GIPC3: variants seen among roughly 807,000 people sequenced by gnomAD.
GIPC3 encodes the protein GIPC PDZ domain containing family member 3.
In GIPC3, 16 loss-of-function variants were observed where a neutral mutation model predicts 27.3. The observed-to-expected ratio is 0.59, with a 90% CI of 0.40 to 0.89. The LOEUF is 0.89. GIPC3 is among the 40% of genes least tolerant of loss of function. The probability of loss-of-function intolerance (pLI) is 0.00; values close to 1 mark genes in which losing one functional copy is unlikely to be tolerated. For missense variants in GIPC3, 440 were observed against 442.1 expected (o/e 1.00, Z 0.04); for synonymous variants, 194 against 184.6 (o/e 1.05, Z -0.41).
At chr19:3,590,018 C>T in intron 5 of GIPC3, 21 bp from the exon 6 acceptor site, 1 of 1,613,028 alleles carries the variant, frequency 6.2e-7, no homozygotes, top group Non-Finnish European at 8.5e-7. Flanking sequence ...TCACTGACAT[C>T]CCCTCTGGCA....
At chr19:3,587,562 G>C (rs1233251160) in intron 3 of GIPC3, among the ~76,000 whole-genome samples, 1 of 152,098 alleles carries the variant, frequency 6.6e-6, no homozygotes. Flanking sequence ...GATTATAGGC[G>C]TGAGCCACCG....
At chr19:3,587,674 C>CTTTCTTCTTTTCT (rs2032398556) in intron 3 of GIPC3, among the ~76,000 whole-genome samples, 1 of 114,868 alleles carries the variant, frequency 8.7e-6, no homozygotes, top group Non-Finnish European at 1.7e-5. Flanking sequence ...TTTTTTTTTC[C>CTTTCTTCTTTTCT]TTTCTTTTTT....
At position 3,592,376 on chromosome 19, in the gene GIPC3, C is replaced by T; in HGVS notation, c.*2186C>T. Reference sequence around the variant, plus strand: ...AGCCCAGCTCTGGGACCCAGATAAGCTCAAGAATTCAAGCCAGCTCTGGAA... The same window carrying T: ...AGCCCAGCTCTGGGACCCAGATAAGTTCAAGAATTCAAGCCAGCTCTGGAA... On this transcript the variant is annotated 3_prime_UTR_variant, in exon 6 of 6. Transcript: ENST00000644452. The T allele has an allele frequency of 8.1e-7, 1 of 1,231,954 alleles. No homozygotes were observed. The highest frequency in any genetic ancestry group is 3.2e-5 in the East Asian group (1 of 31,710). 76.3% of individuals were successfully genotyped at this position (1,231,954 alleles called of 1,614,324 possible). A position where few individuals can be genotyped will look rare whatever the true frequency, so the allele number is the denominator to read the frequency against.
chr19:3,591,314 C>A lies in GIPC3; in HGVS notation c.*1124C>A, dbSNP rs1461230717. ...AGCACATCTCTAGAATCCAGCTGAG[C>A]CCTGACAACAAGCCAAACTCTGGAA... On this transcript the variant is annotated 3_prime_UTR_variant, in exon 6 of 6. Coordinates refer to ENST00000644452, the MANE Select transcript of GIPC3 (RefSeq NM_133261.3). The A allele has an allele frequency of 1.6e-6, 2 of 1,232,424 alleles. No homozygotes were observed. The highest frequency in any genetic ancestry group is 4.2e-5 in the Admixed American group (1 of 23,688). The allele number at this position is 1,232,424 out of a possible 1,614,324, so 76.3% of individuals were successfully genotyped here. A position where few individuals can be genotyped will look rare whatever the true frequency, so the allele number is the denominator to read the frequency against.
chr19:3,586,953 A>G lies in GIPC3; in HGVS notation c.551A>G (p.Gln184Arg). 1 of 1,613,188 alleles carries G rather than the reference A, an allele frequency of 6.2e-7. No homozygotes were observed. Among genetic ancestry groups the G allele is most frequent in the Non-Finnish European group, 8.5e-7 (1 of 1,179,968 alleles). The change falls in exon 3 of 6, where the codon CAG becomes CGG. Residue 184 changes from glutamine (Q) to arginine (R), a missense_variant. Transcript: ENST00000644452. ...AKMLRELPKS[Q>R]PFTLRLVQPK... ...ATGCTCCGGGAGCTGCCCAAGTCCC[A>G]GCCCTTCACCCTGCGCCTGGTGCAG... is the stretch of plus-strand genomic sequence containing the variant.
chr19:3,590,759 T>C lies in GIPC3; in HGVS notation c.*569T>C, dbSNP rs2032474248. The C allele has an allele frequency of 3.2e-6, 4 of 1,234,432 alleles. No individual in the cohort carries two copies. Among genetic ancestry groups the C allele is most frequent in the Non-Finnish European group, 4.0e-6 (4 of 989,784 alleles). 76.5% of individuals were successfully genotyped at this position (1,234,432 alleles called of 1,614,324 possible). A position where few individuals can be genotyped will look rare whatever the true frequency, so the allele number is the denominator to read the frequency against. On this transcript the variant is annotated 3_prime_UTR_variant, in exon 6 of 6. Transcript: ENST00000644452. Reference sequence around the variant, plus strand: ...CCAGCTCTAGAACTCAGATGGGCTCTGAGACCGAGCCCAGCTCTAGAACTC... The same window carrying C: ...CCAGCTCTAGAACTCAGATGGGCTCCGAGACCGAGCCCAGCTCTAGAACTC...
At chr19:3,587,077 G>A in intron 3 of GIPC3, 83 bp downstream of exon 3, 1 of 1,360,640 alleles carries the variant, frequency 7.3e-7, no homozygotes, top group East Asian at 2.5e-5. Flanking sequence ...GGATGGGACG[G>A]GCTGGAAGGT....
chr19:3,589,947 G>A, intron 5 of GIPC3, 35 bp downstream of exon 5: 1 of 1,613,542 alleles, frequency 6.2e-7, no homozygotes, highest in South Asian at 1.1e-5. Context: ...GGCCCTGGGG[G>A]GAGGGAAGCC....
chr19:3,585,675 G>T lies in GIPC3; in HGVS notation c.78G>T (p.Glu26Asp). 7.5e-7 allele frequency: 1 copy of T among 1,329,164 alleles called. No homozygotes were observed. The highest frequency in any genetic ancestry group is 9.7e-7 in the Non-Finnish European group (1 of 1,033,244). 82.3% of individuals were successfully genotyped at this position (1,329,164 alleles called of 1,614,324 possible). The stretch of plus-strand genomic sequence containing the variant: ...CTGCGCCCCCGCCCGCGCCCTCGGA[G>T]CCCCCGGCCGCGCCCCGCGCCCGCC... Reference protein sequence around the residue: ...RASAPPPAPSEPPAAPRARPR... With the variant: ...RASAPPPAPSDPPAAPRARPR... Residue 26 changes from glutamate (E) to aspartate (D), a missense_variant, in exon 1 of 6, where the codon GAG becomes GAT. Physicochemically the swap from Glu to Asp is conservative, Grantham distance 45. Transcript: ENST00000644452.
In GIPC3 at chr19:3,590,236, C is replaced by A. The variant is rs1433958303; in HGVS notation, c.*46C>A. On this transcript the variant is annotated 3_prime_UTR_variant, in exon 6 of 6. Transcript: ENST00000644452. ...CACAGCCCCAGCCCGGAGCCCAGCCCCCTGCCCCGGCCCTGCTCCAGAACC... is the reference window on the plus strand; with the variant it reads ...CACAGCCCCAGCCCGGAGCCCAGCCACCTGCCCCGGCCCTGCTCCAGAACC... 6.5e-7 allele frequency: 1 copy of A among 1,549,918 alleles called. No individual in the cohort carries two copies. The highest frequency in any genetic ancestry group is 1.2e-5 in the South Asian group (1 of 84,468).
Position 3,591,521 on chromosome 19 carries a change from C to G in GIPC3, c.*1331C>G. ...CCGGAACCCCAGTTAATTTTGGAACCCATGTGAGATTCATGAAGCAGCCCA... is the reference window on the plus strand; with the variant it reads ...CCGGAACCCCAGTTAATTTTGGAACGCATGTGAGATTCATGAAGCAGCCCA... On this transcript the variant is annotated 3_prime_UTR_variant, in exon 6 of 6. Coordinates refer to ENST00000644452, the MANE Select transcript of GIPC3 (RefSeq NM_133261.3). 1.6e-6 allele frequency: 2 copies of G among 1,232,590 alleles called. No individual in the cohort carries two copies. The highest frequency in any genetic ancestry group is 2.0e-6 in the Non-Finnish European group (2 of 988,538). The allele number at this position is 1,232,590 out of a possible 1,614,324, so 76.4% of individuals were successfully genotyped here. A position where few individuals can be genotyped will look rare whatever the true frequency, so the allele number is the denominator to read the frequency against.
chr19:3,587,013 C>T lies in GIPC3; in HGVS notation c.592+19C>T, dbSNP rs369691438. ...GCCTTCGGTGAGGCGGGTGGGCTGGCGGGAGCTCTTCCCGAAGTGCGTTCT... is the reference window on the plus strand; with the variant it reads ...GCCTTCGGTGAGGCGGGTGGGCTGGTGGGAGCTCTTCCCGAAGTGCGTTCT... On this transcript the variant is annotated intron_variant, in intron 3 of 5. Coordinates refer to ENST00000644452, the MANE Select transcript of GIPC3 (RefSeq NM_133261.3). 1 of 1,604,580 alleles carries T rather than the reference C, an allele frequency of 6.2e-7. No individual in the cohort carries two copies. The highest frequency in any genetic ancestry group is 1.7e-5 in the Admixed American group (1 of 59,068).
In GIPC3 at chr19:3,590,773, G is replaced by A. The variant is rs1418490884; in HGVS notation, c.*583G>A. ...CAGATGGGCTCTGAGACCGAGCCCA[G>A]CTCTAGAACTCAGATGGGCTCTGAG... On this transcript the variant is annotated 3_prime_UTR_variant, in exon 6 of 6. Transcript: ENST00000644452. 16 of 1,235,182 alleles carry A rather than the reference G, an allele frequency of 1.3e-5. No individual in the cohort carries two copies. The highest frequency in any genetic ancestry group is 1.6e-5 in the African/African-American group (1 of 64,140). 76.5% of individuals were successfully genotyped at this position (1,235,182 alleles called of 1,614,324 possible). A position where few individuals can be genotyped will look rare whatever the true frequency, so the allele number is the denominator to read the frequency against.
rs574176518 is a variant in GIPC3 at position 3,590,795 on chromosome 19, T to C, written c.*605T>C. On this transcript the variant is annotated 3_prime_UTR_variant, in exon 6 of 6. Coordinates refer to ENST00000644452, the MANE Select transcript of GIPC3 (RefSeq NM_133261.3). ...CCAGCTCTAGAACTCAGATGGGCTC[T>C]GAGACCGAGCCCAGCTCTAGAACTC... 213 of 1,234,450 alleles carry C rather than the reference T, an allele frequency of 1.7e-4. 2 individuals are homozygous for C. The African/African-American group carries it at 3.2e-3, about 18-fold the overall frequency. 76.5% of individuals were successfully genotyped at this position (1,234,450 alleles called of 1,614,324 possible).
chr19:3,587,064 C>T (rs2032383007), intron 3 of GIPC3, 70 bp downstream of exon 3: 1 of 1,451,524 alleles, frequency 6.9e-7, no homozygotes, highest in South Asian at 1.2e-5. Context: ...GGAGGAGGGT[C>T]GGGGATGGGA....
chr19:3,586,400 T>A (rs2032365056), intron 1 of GIPC3, 95 bp from the exon 2 acceptor site: 2 of 1,125,886 alleles, frequency 1.8e-6, no homozygotes, highest in Admixed American at 3.9e-5. Flanking sequence ...TGGGCTGGGA[T>A]CCTGGTCGCT....
Position 3,591,809 on chromosome 19 carries a change from C to A in GIPC3, c.*1619C>A. ...CCAGGATTCAGACCAGCTCTGGAAC[C>A]CCATCCATCTTGGAAGCAAGACCCA... On this transcript the variant is annotated 3_prime_UTR_variant, in exon 6 of 6. Coordinates refer to ENST00000644452, the MANE Select transcript of GIPC3 (RefSeq NM_133261.3). 8.1e-7 allele frequency: 1 copy of A among 1,233,796 alleles called. No individual in the cohort carries two copies. The highest frequency in any genetic ancestry group is 1.0e-6 in the Non-Finnish European group (1 of 989,394). The allele number at this position is 1,233,796 out of a possible 1,614,324, so 76.4% of individuals were successfully genotyped here.
Position 3,591,726 on chromosome 19 carries a change from A to T in GIPC3, c.*1536A>T. 1 of 1,233,650 alleles carries T rather than the reference A, an allele frequency of 8.1e-7. No homozygotes were observed. Among genetic ancestry groups the T allele is most frequent in the African/African-American group, 1.6e-5 (1 of 64,486 alleles). The allele number at this position is 1,233,650 out of a possible 1,614,324, so 76.4% of individuals were successfully genotyped here. A position where few individuals can be genotyped will look rare whatever the true frequency, so the allele number is the denominator to read the frequency against. ...CCAGTCCAGCTCCAGTGATGATTCCAGCTCTGAGACTGAGCCCAGCTCTAG... is the reference window on the plus strand; with the variant it reads ...CCAGTCCAGCTCCAGTGATGATTCCTGCTCTGAGACTGAGCCCAGCTCTAG... On this transcript the variant is annotated 3_prime_UTR_variant, in exon 6 of 6. Coordinates refer to ENST00000644452, the MANE Select transcript of GIPC3 (RefSeq NM_133261.3).
At chr19:3,588,746 C>A (rs912230114) in intron 3 of GIPC3, among the ~76,000 whole-genome samples, 1 of 151,664 alleles carries the variant, frequency 6.6e-6, no homozygotes, top group Non-Finnish European at 1.5e-5. Context: ...AGTTCGAGAC[C>A]AGCCTGGCCA....
Sources: gnomAD v4.1 joint callset for allele counts (sites outside exome capture counted in the v4.1 genomes callset) on GRCh38, gnomAD v4.1.1 for gene constraint, MANE v1.5 for transcripts, NCBI Gene and HGNC (gene_info 2026-07-23, HGNC 2026-07-21) for gene names.